The following STK38L variants were observed in gnomAD, a reference collection of about 807,000 sequenced individuals.
STK38L encodes the protein serine/threonine-protein kinase 38-like.
Under a neutral mutation model 59.7 loss-of-function variants are expected in STK38L, and 28 were observed. The ratio of observed to expected loss-of-function variants is 0.47; its 90% CI spans 0.35 to 0.64. The LOEUF (loss-of-function observed/expected upper bound fraction) is 0.64, where lower values mean the gene tolerates loss of function less well. Among genes scored for constraint, STK38L ranks in the 30% least tolerant of loss-of-function variants. STK38L has a pLI of 0.01. For missense variants in STK38L, 314 were observed against 555.8 expected (o/e 0.56, Z 4.37); for synonymous variants, 162 against 176.8 (o/e 0.92, Z 0.66).
chr12:27,275,942 G>A (rs1384317669), intron 1 of STK38L, among the ~76,000 whole-genome samples: 1 of 152,088 alleles, frequency 6.6e-6, no homozygotes, highest in South Asian at 2.1e-4. Context: ...TTAGACAAGA[G>A]CACCAAGCTG....
intron 1 of STK38L, among the ~76,000 whole-genome samples, chr12:27,248,538 T>TGC (rs776712201): frequency 1.3e-5 from 2 of 152,202 alleles, no homozygotes; most frequent in Admixed American, 6.5e-5. Context: ...ATACAGCAGG[T>TGC]GAGCGGTGGG....
intron 5 of STK38L, among the ~76,000 whole-genome samples, chr12:27,311,679 A>C (rs569999980): frequency 6.6e-6 from 1 of 152,298 alleles, no homozygotes; most frequent in Non-Finnish European, 1.5e-5. Context: ...CAAAAGTTAC[A>C]CAAATTTGCT....
At chr12:27,320,048 T>C (rs1185428458) in intron 12 of STK38L, among the ~76,000 whole-genome samples, 2 of 152,212 alleles carry the variant, frequency 1.3e-5, no homozygotes, top group Non-Finnish European at 2.9e-5. Flanking sequence ...GATTGCCTCA[T>C]CTGCAGGAGT....
At chr12:27,284,224 A>G (rs957960398) in intron 1 of STK38L, among the ~76,000 whole-genome samples, 10 of 151,802 alleles carry the variant, frequency 6.6e-5, no homozygotes, top group South Asian at 2.1e-4. Context: ...CTGATATCCA[A>G]CTTTGCTGCA....
chr12:27,267,629 G>T lies in STK38L; in HGVS notation c.-12+23297G>T, dbSNP rs530762854. On this transcript the variant is annotated intron_variant, in intron 1 of 13. Transcript: ENST00000389032. Reference sequence around the variant, plus strand: ...TGGAGTGGAATTGCTTGGTCATTGGGCATGTGTGTGTTCAGCTCTATTGAG... The same window carrying T: ...TGGAGTGGAATTGCTTGGTCATTGGTCATGTGTGTGTTCAGCTCTATTGAG... 3.9e-5 allele frequency among the ~76,000 whole-genome samples: 6 copies of T among 152,294 alleles called. No individual in the cohort carries two copies. The East Asian group carries it at 1.2e-3, about 29-fold the overall frequency.
At chr12:27,319,187 C>T in intron 11 of STK38L, 141 bp from the exon 12 acceptor site, 1 of 562,270 alleles carries the variant, frequency 1.8e-6, no homozygotes, top group Non-Finnish European at 3.1e-6. Context: ...TATTTTCTTC[C>T]ACATTTCCTA....
chr12:27,254,240 C>T (rs1412537188), intron 1 of STK38L, among the ~76,000 whole-genome samples: 4 of 152,164 alleles, frequency 2.6e-5, no homozygotes, highest in African/African-American at 9.7e-5. Flanking sequence ...AACTCTTAAA[C>T]ATTTCCCAAG....
intron 1 of STK38L, among the ~76,000 whole-genome samples, chr12:27,261,173 G>C (rs1327159778): frequency 6.6e-6 from 1 of 152,150 alleles, no homozygotes; most frequent in Non-Finnish European, 1.5e-5. Context: ...CTATTTGAGA[G>C]GTGGAAGGGT....
chr12:27,322,472 C>G lies in STK38L; in HGVS notation c.*17C>G. ...AAGTTATGAATGAAGATAACATTCA[C>G]CCATAACCAAGAGAACTCAGGTAGC... On this transcript the variant is annotated 3_prime_UTR_variant, in exon 14 of 14. Transcript: ENST00000389032. 1 of 1,607,030 alleles carries G rather than the reference C, an allele frequency of 6.2e-7. No homozygotes were observed. Among genetic ancestry groups the G allele is most frequent in the Non-Finnish European group, 8.5e-7 (1 of 1,178,010 alleles).
At position 27,308,560 on chromosome 12, in the gene STK38L, C is replaced by A; in HGVS notation, c.309+99C>A. Reference sequence around the variant, plus strand: ...TAATTCCTGGCTGGGTGCGGTGGCTCACGCCTGTAATCCCAATACTTTGGG... The same window carrying A: ...TAATTCCTGGCTGGGTGCGGTGGCTAACGCCTGTAATCCCAATACTTTGGG... On this transcript the variant is annotated intron_variant, in intron 4 of 13. Transcript: ENST00000389032. This position sits in a 1 kb window ranked among gnomAD's most constrained non-coding sequence, Gnocchi z 4.5. The A allele has an allele frequency of 1.6e-6, 2 of 1,242,528 alleles. No homozygotes were observed. The highest frequency in any genetic ancestry group is 2.1e-6 in the Non-Finnish European group (2 of 965,472). The allele number at this position is 1,242,528 out of a possible 1,614,324, so 77.0% of individuals were successfully genotyped here. A position where few individuals can be genotyped will look rare whatever the true frequency, so the allele number is the denominator to read the frequency against.
At chr12:27,245,423 C>A (rs1591835685) in intron 1 of STK38L, among the ~76,000 whole-genome samples, 1 of 152,122 alleles carries the variant, frequency 6.6e-6, no homozygotes, top group Non-Finnish European at 1.5e-5. Context: ...GAGACCTTGT[C>A]TTTTTTGGCG....
chr12:27,279,689 T>C (rs1000736217), intron 1 of STK38L, among the ~76,000 whole-genome samples: 1 of 14,424 alleles, frequency 6.9e-5, no homozygotes, highest in African/African-American at 1.1e-4. Flanking sequence ...AAAAAAAAAA[T>C]TTTTTTTTTT....
intron 1 of STK38L, among the ~76,000 whole-genome samples, chr12:27,250,783 G>A (rs1043296188): frequency 9.2e-5 from 14 of 151,892 alleles, no homozygotes. Context: ...GGCAGATCAC[G>A]AGGTCAGGAG....
intron 1 of STK38L, among the ~76,000 whole-genome samples, chr12:27,245,100 G>A (rs1942821192): frequency 6.6e-6 from 1 of 152,134 alleles, no homozygotes; most frequent in Admixed American, 6.5e-5. Context: ...CCTTTTACTG[G>A]TGCTGCTTTT....
chr12:27,281,407 ACTCTGGT>A (rs1943655177), intron 1 of STK38L, among the ~76,000 whole-genome samples: 1 of 152,002 alleles, frequency 6.6e-6, no homozygotes, highest in Non-Finnish European at 1.5e-5. Flanking sequence ...TGTTTAACTG[ACTCTGGT>A]TGTAAAAAGT....
intron 1 of STK38L, among the ~76,000 whole-genome samples, chr12:27,258,681 A>AT (rs537600488): frequency 1.0e-3 from 155 of 152,226 alleles, no homozygotes; most frequent in African/African-American, 3.5e-3. Context: ...TTAGCATTTG[A>AT]TTTTTTTAAC....
At chr12:27,248,284 A>G (rs1942900290) in intron 1 of STK38L, among the ~76,000 whole-genome samples, 1 of 152,216 alleles carries the variant, frequency 6.6e-6, no homozygotes, top group African/African-American at 2.4e-5. Flanking sequence ...TACATGTAAA[A>G]ATGAGAGAAG....
chr12:27,254,464 T>G (rs964312738), intron 1 of STK38L, among the ~76,000 whole-genome samples: 1 of 152,230 alleles, frequency 6.6e-6, no homozygotes, highest in Non-Finnish European at 1.5e-5. Flanking sequence ...ATTATAAACT[T>G]TGTATGTATA....
At chr12:27,245,264 T>A (rs1565518039) in intron 1 of STK38L, among the ~76,000 whole-genome samples, 1 of 152,184 alleles carries the variant, frequency 6.6e-6, no homozygotes, top group Non-Finnish European at 1.5e-5. Flanking sequence ...ACCAACACTT[T>A]TACCCATTTC....
Sources: allele counts gnomAD v4.1 joint callset (sites outside exome capture counted in the v4.1 genomes callset), GRCh38; gene constraint gnomAD v4.1.1; non-coding constraint Gnocchi (gnomAD v3.1); transcripts MANE v1.5; gene names NCBI Gene and HGNC (gene_info 2026-07-23, HGNC 2026-07-21).